CSMD3: variants seen among roughly 807,000 people sequenced by gnomAD.
CSMD3 encodes the protein CUB and sushi domain-containing protein 3.
In CSMD3, 177 loss-of-function variants were observed where a neutral mutation model predicts 435.2. That is an observed-to-expected ratio of 0.41 (90% CI 0.36 to 0.46). The LOEUF (loss-of-function observed/expected upper bound fraction) is 0.46. Among genes scored for constraint, CSMD3 ranks in the 20% least tolerant of loss-of-function variants. CSMD3 has a pLI of 0.34. For missense variants in CSMD3, 4,265 were observed against 4,504.6 expected (o/e 0.95, Z 1.52); for synonymous variants, 1,656 against 1,520.5 (o/e 1.09, Z -2.07).
chr8:113,011,385 G>GT (rs2086250057), intron 6 of CSMD3, among the ~76,000 whole-genome samples: 1 of 151,724 alleles, frequency 6.6e-6, no homozygotes, highest in Non-Finnish European at 1.5e-5. Flanking sequence ...ATGTAGAATA[G>GT]TTTGTTCAGC....
intron 2 of CSMD3, among the ~76,000 whole-genome samples, chr8:113,287,237 G>T (rs369834648): frequency 6.6e-6 from 1 of 151,940 alleles, no homozygotes; most frequent in African/African-American, 2.4e-5. Flanking sequence ...TTTTGGATAT[G>T]AATTATCTTA....
intron 5 of CSMD3, among the ~76,000 whole-genome samples, chr8:113,055,810 C>T (rs2088307871): frequency 6.6e-6 from 1 of 152,158 alleles, no homozygotes. Flanking sequence ...AGAGGCAAGG[C>T]ATTTGGCATT....
intron 53 of CSMD3, among the ~76,000 whole-genome samples, chr8:112,298,066 CAAAA>C (rs35232021): frequency 0.027 from 2,508 of 93,634 alleles, 42 homozygotes; most frequent in African/African-American, 0.078. Context: ...TGCCATTGCA[CAAAA>C]AAAAAAAAAA....
At position 112,552,709 on chromosome 8, in the gene CSMD3, C is replaced by G. The variant is rs1243470824; in HGVS notation, c.4246G>C (p.Gly1416Arg). 3 of 1,611,600 alleles carry G rather than the reference C, an allele frequency of 1.9e-6. No homozygotes were observed. The highest frequency in any genetic ancestry group is 2.2e-5 in the South Asian group (2 of 91,036). ...CCTGATGATTCTCCTTTAAAACGAC[C>G]TCCACATTCAGCTGATAAAAAATAA... ...PLPSCIAECG[G>R]RFKGESSGRI... The change falls in exon 26 of 71, where the codon GGT (glycine) becomes CGT (arginine). Residue 1416 changes from glycine to arginine, a missense_variant. Physicochemically the swap from Gly to Arg is moderately radical, Grantham distance 125. Transcript: ENST00000297405.
chr8:113,058,625 G>T (rs560442429), intron 5 of CSMD3, among the ~76,000 whole-genome samples: 10 of 151,940 alleles, frequency 6.6e-5, no homozygotes, highest in African/African-American at 2.2e-4. Context: ...ATGCTAAGTT[G>T]ATGAAAAAGT....
intron 1 of CSMD3, among the ~76,000 whole-genome samples, chr8:113,380,087 G>A (rs901398063): frequency 2.6e-5 from 4 of 152,172 alleles, no homozygotes; most frequent in East Asian, 1.9e-4. Flanking sequence ...TTCATGATCC[G>A]TACTGTGTCT....
At chr8:112,718,164 G>A (rs945132827) in intron 13 of CSMD3, among the ~76,000 whole-genome samples, 5 of 152,170 alleles carry the variant, frequency 3.3e-5, no homozygotes, top group Admixed American at 1.3e-4. Flanking sequence ...CAGGCTCATG[G>A]TGGTTCTGGC....
intron 35 of CSMD3, among the ~76,000 whole-genome samples, chr8:112,397,167 TA>T (rs1174521358): frequency 2.0e-5 from 3 of 152,202 alleles, no homozygotes. Flanking sequence ...TATTTATAGT[TA>T]AAAATAGAAA....
intron 45 of CSMD3, 91 bp downstream of exon 45, chr8:112,335,238 C>T (rs2130945263): frequency 1.6e-6 from 2 of 1,268,152 alleles, no homozygotes; most frequent in Non-Finnish European, 2.3e-6. Flanking sequence ...AATACCTTTT[C>T]AATCATTGGT....
chr8:113,277,275 T>TA (rs1052777254), intron 3 of CSMD3, among the ~76,000 whole-genome samples: 1 of 151,962 alleles, frequency 6.6e-6, no homozygotes, highest in African/African-American at 2.4e-5. Context: ...GAGAGCTCCT[T>TA]AGAAAAACAA....
intron 22 of CSMD3, among the ~76,000 whole-genome samples, chr8:112,614,884 C>T (rs2131487382): frequency 6.6e-6 from 1 of 152,018 alleles, no homozygotes; most frequent in Admixed American, 6.6e-5. Context: ...ATTTCAGATA[C>T]CGTGTTTAAG....
At position 113,376,936 on chromosome 8, in the gene CSMD3, G is replaced by A. The variant is rs995817123; in HGVS notation, c.178+59741C>T. 6 of 1,559,972 alleles carry A rather than the reference G, an allele frequency of 3.8e-6. No individual in the cohort carries two copies. In the African/African-American group the frequency reaches 5.5e-5, roughly 14 times the overall value. ...GGTTGTGGGGGCCATAACGGATGAC[G>A]TGCGGGTTCAGGAGGTGCCCAAACT... On this transcript the variant is annotated intron_variant, in intron 1 of 70. Coordinates refer to ENST00000297405, the MANE Select transcript of CSMD3 (RefSeq NM_198123.2).
At chr8:113,054,452 C>A (rs776537492) in intron 5 of CSMD3, among the ~76,000 whole-genome samples, 1 of 152,090 alleles carries the variant, frequency 6.6e-6, no homozygotes, top group Non-Finnish European at 1.5e-5. Flanking sequence ...ATGAAGATAT[C>A]ATATTTCTAC....
intron 37 of CSMD3, among the ~76,000 whole-genome samples, chr8:112,382,495 A>C (rs1247963490): frequency 6.6e-6 from 1 of 152,088 alleles, no homozygotes; most frequent in Admixed American, 6.5e-5. Context: ...CCACAAGTCC[A>C]TTTAAAAATC....
intron 6 of CSMD3, among the ~76,000 whole-genome samples, chr8:113,014,547 TAAC>T (rs899288017): frequency 9.2e-5 from 14 of 151,912 alleles, no homozygotes; most frequent in Admixed American, 5.9e-4. Context: ...TGGCAGAAAA[TAAC>T]AACCAACCAT....
At chr8:113,259,818 G>A (rs1474002796) in intron 3 of CSMD3, among the ~76,000 whole-genome samples, 1 of 152,090 alleles carries the variant, frequency 6.6e-6, no homozygotes, top group African/African-American at 2.4e-5. Context: ...ATACTCAAGG[G>A]TTGTATAAGA....
chr8:113,366,530 T>C (rs974153979), intron 1 of CSMD3, among the ~76,000 whole-genome samples: 3 of 152,074 alleles, frequency 2.0e-5, no homozygotes, highest in African/African-American at 7.2e-5. Flanking sequence ...AGCATGGCCC[T>C]CCATCTTCCA....
At chr8:112,441,398 C>T (rs1814998972) in intron 32 of CSMD3, among the ~76,000 whole-genome samples, 1 of 152,120 alleles carries the variant, frequency 6.6e-6, no homozygotes, top group Non-Finnish European at 1.5e-5. Context: ...TTCCCAGTTT[C>T]TAAGAAGTTC....
At position 112,292,598 on chromosome 8, in the gene CSMD3, C is replaced by T. The variant is rs544681451; in HGVS notation, c.8727G>A (p.Gly2909=). 19 of 1,613,742 alleles carry T rather than the reference C, an allele frequency of 1.2e-5. No homozygotes were observed. The South Asian group carries it at 1.6e-4, about 14-fold the overall frequency. ...FSCNIGYLMQ[G]PTKAQCQANR... Reference sequence around the variant, plus strand: ...TGGCCTGGCACTGTGCCTTTGTTGGCCCTTGCATAAGATACCCAATATTGC... The same window carrying T: ...TGGCCTGGCACTGTGCCTTTGTTGGTCCTTGCATAAGATACCCAATATTGC... The change falls in exon 55 of 71, where the codon GGG becomes GGA. Residue 2909 remains glycine (G), a synonymous_variant. Transcript: ENST00000297405.
Sources: gnomAD v4.1 joint callset for allele counts (sites outside exome capture counted in the v4.1 genomes callset) on GRCh38, gnomAD v4.1.1 for gene constraint, MANE v1.5 for transcripts, NCBI Gene and HGNC (gene_info 2026-07-23, HGNC 2026-07-21) for gene names.